The following SLC14A2 variants were observed in gnomAD, a reference collection of about 807,000 sequenced individuals.
SLC14A2 encodes solute carrier family 14 member 2.
SLC14A2 carries 91 observed loss-of-function variants against 104.6 expected under a neutral mutation model. The ratio of observed to expected loss-of-function variants is 0.87; its 90% CI spans 0.73 to 1.04. The LOEUF is 1.04. Ranked by LOEUF, SLC14A2 falls within the 50% of genes least tolerant of loss-of-function variation. SLC14A2 has a pLI of 0.00. For missense variants in SLC14A2, 1,189 were observed against 1,156.0 expected, an observed-to-expected ratio of 1.03 and a Z score of -0.41; for synonymous variants, 476 against 466.4, an observed-to-expected ratio of 1.02 and a Z score of -0.27.
chr18:45,489,044 G>A (rs763674428), intron 2 of SLC14A2, among the ~76,000 whole-genome samples: 43 of 152,176 alleles, frequency 2.8e-4, no homozygotes, highest in Non-Finnish European at 5.1e-4. Context: ...ATTGCACTGG[G>A]CCAACCATAC....
chr18:45,200,735 C>A, the SLC14A2 span, among the ~76,000 whole-genome samples: 1 of 152,022 alleles, frequency 6.6e-6, no homozygotes, highest in Non-Finnish European at 1.5e-5. Flanking sequence ...GCCTGGGATG[C>A]AATATGTAGA....
intron 1 of SLC14A2, among the ~76,000 whole-genome samples, chr18:45,308,886 T>C (rs2085050334): frequency 6.6e-6 from 1 of 152,176 alleles, no homozygotes; most frequent in South Asian, 2.1e-4. Flanking sequence ...TTGAGTGGCT[T>C]GTTTATTTTG....
At position 45,236,174 on chromosome 18, in the gene SLC14A2, TAC is replaced by T. The variant is rs1191387402; in HGVS notation, c.-125+22985_-125+22986del. 5.2e-4 allele frequency among the ~76,000 whole-genome samples: 30 copies of T among 58,100 alleles called. 2 individuals carry two copies. The highest frequency in any genetic ancestry group is 2.0e-3 in the African/African-American group (22 of 11,012). The allele number at this position is 58,100 out of a possible 152,430, so 38.1% of individuals were successfully genotyped here. ...ATATGTGTGTATATATGTGTATATA[TAC>T]ATATATGTGTGTATATATGTGTATA... On this transcript the variant is annotated intron_variant, in intron 1 of 20. Coordinates refer to the SLC14A2 transcript ENST00000586448.
intron 1 of SLC14A2, among the ~76,000 whole-genome samples, chr18:45,304,015 G>A (rs796507023): frequency 1.3e-5 from 2 of 152,272 alleles, no homozygotes; most frequent in African/African-American, 4.8e-5. Context: ...TGGAAGAGAT[G>A]ACTCAGAGCT....
chr18:45,268,246 A>T (rs1485290652), intron 1 of SLC14A2, among the ~76,000 whole-genome samples: 5 of 152,132 alleles, frequency 3.3e-5, no homozygotes, highest in African/African-American at 9.6e-5. Flanking sequence ...TTTATTTAAC[A>T]CAAATATATG....
In SLC14A2 at chr18:45,663,791, G is replaced by A. The variant is rs2045968905; in HGVS notation, c.1358G>A (p.Gly453Asp). ...GEEEKAPSGG[G>D]GEHPPTAGPK... The stretch of plus-strand genomic sequence containing the variant: ...TTGTTTTGCCCCTGGCTAGGAGGCG[G>A]TGGGGAGCATCCACCCACAGCAGGC... Residue 453 changes from glycine to aspartate, a missense_variant, in exon 11 of 20, where the codon GGT (glycine) becomes GAT (aspartate). By Grantham distance (94) the Gly-to-Asp change is moderately conservative. Transcript: ENST00000255226. 2.5e-6 allele frequency: 4 copies of A among 1,612,356 alleles called. No homozygotes were observed. The highest frequency in any genetic ancestry group is 2.5e-6 in the Non-Finnish European group (3 of 1,179,804).
chr18:45,453,287 T>C (rs145997419), intron 1 of SLC14A2, among the ~76,000 whole-genome samples: 1 of 152,182 alleles, frequency 6.6e-6, no homozygotes, highest in African/African-American at 2.4e-5. Flanking sequence ...GCTGTGCCCA[T>C]TGCTCTCCGG....
intron 2 of SLC14A2, among the ~76,000 whole-genome samples, chr18:45,580,090 A>G (rs1315406511): frequency 1.3e-5 from 2 of 152,208 alleles, no homozygotes; most frequent in Non-Finnish European, 2.9e-5. Context: ...CAATACCTCA[A>G]TCCTTACGCA....
At chr18:45,344,281 C>A (rs1348669126) in intron 1 of SLC14A2, among the ~76,000 whole-genome samples, 1 of 152,108 alleles carries the variant, frequency 6.6e-6, no homozygotes, top group Non-Finnish European at 1.5e-5. Context: ...CAATTCAATT[C>A]TGACACTACC....
the SLC14A2 span, among the ~76,000 whole-genome samples, chr18:45,193,447 T>G: frequency 4.6e-5 from 7 of 152,238 alleles, no homozygotes; most frequent in Non-Finnish European, 1.0e-4. Context: ...GTTTATCTAA[T>G]TATTCCAGCA....
chr18:45,612,916 C>T (rs993557104), upstream of SLC14A2, among the ~76,000 whole-genome samples: 1 of 152,198 alleles, frequency 6.6e-6, no homozygotes, highest in Non-Finnish European at 1.5e-5. Context: ...GTGACAAGGT[C>T]CAAGTTTGCT....
chr18:45,319,679 A>G (rs1187382434), intron 1 of SLC14A2, among the ~76,000 whole-genome samples: 3 of 152,244 alleles, frequency 2.0e-5, no homozygotes, highest in African/African-American at 7.2e-5. Context: ...TAGATGTTTT[A>G]TTCCAGTAAA....
intron 2 of SLC14A2, among the ~76,000 whole-genome samples, chr18:45,565,075 T>C (rs2044248907): frequency 6.6e-6 from 1 of 151,460 alleles, no homozygotes; most frequent in African/African-American, 2.4e-5. Flanking sequence ...CATGCGTTTA[T>C]AGACATGAGT....
chr18:45,510,952 C>T (rs1279598567), intron 2 of SLC14A2, among the ~76,000 whole-genome samples: 2 of 152,210 alleles, frequency 1.3e-5, no homozygotes, highest in Non-Finnish European at 2.9e-5. Flanking sequence ...TTTAATAAGA[C>T]TTCTTTTTCC....
chr18:45,182,327 A>G, the SLC14A2 span, among the ~76,000 whole-genome samples: 1 of 151,996 alleles, frequency 6.6e-6, no homozygotes. Context: ...GTAACACAAT[A>G]CTGTATAAAA....
At chr18:45,543,700 A>G (rs1233180013) in intron 2 of SLC14A2, among the ~76,000 whole-genome samples, 2 of 152,184 alleles carry the variant, frequency 1.3e-5, no homozygotes, top group Non-Finnish European at 2.9e-5. Flanking sequence ...CCATGAAGGC[A>G]TTGGTACAGA....
chr18:45,209,065 G>A (rs569737192), upstream of SLC14A2, among the ~76,000 whole-genome samples: 47 of 150,418 alleles, frequency 3.1e-4, no homozygotes, highest in South Asian at 7.8e-3. Flanking sequence ...GGCCGAGCAC[G>A]GTGGCTCACG....
At position 45,669,476 on chromosome 18, in the gene SLC14A2, G is replaced by C. The variant is rs2046092242; in HGVS notation, c.2207G>C (p.Trp736Ser). 6.2e-7 allele frequency: 1 copy of C among 1,613,730 alleles called. No individual in the cohort carries two copies. Among genetic ancestry groups the C allele is most frequent in the Non-Finnish European group, 8.5e-7 (1 of 1,179,740 alleles). The change falls in exon 16 of 20, where the codon TGG becomes TCG. Residue 736 changes from tryptophan (W) to serine (S), a missense_variant. By Grantham distance (177) the Trp-to-Ser change is radical. Coordinates refer to ENST00000255226, the MANE Select transcript of SLC14A2 (RefSeq NM_007163.4). ...QPASAMPNIT[W>S]SEVQVPLLLR... ...GCATCCGCCATGCCCAACATCACCTGGTCAGAGGTCCAAGTGCCCTTGGTA... is the reference window on the plus strand; with the variant it reads ...GCATCCGCCATGCCCAACATCACCTCGTCAGAGGTCCAAGTGCCCTTGGTA...
At chr18:45,371,071 C>T (rs1344191296) in intron 1 of SLC14A2, among the ~76,000 whole-genome samples, 1 of 152,152 alleles carries the variant, frequency 6.6e-6, no homozygotes, top group East Asian at 1.9e-4. Context: ...AACAAAGCAA[C>T]ACCCCCAAAG....
Sources: gnomAD v4.1 joint callset for allele counts (sites outside exome capture counted in the v4.1 genomes callset) on GRCh38, gnomAD v4.1.1 for gene constraint, MANE v1.5 for transcripts, NCBI Gene and HGNC (gene_info 2026-07-23, HGNC 2026-07-21) for gene names.